Variants in ADAMTSL1 observed in about 807,000 individuals in gnomAD.
The protein encoded by ADAMTSL1 is ADAMTS like 1.
ADAMTSL1 carries 126 observed loss-of-function variants against 201.8 expected under a neutral mutation model. That is an observed-to-expected ratio of 0.62 (90% CI 0.54 to 0.72). The LOEUF is 0.72. Among genes scored for constraint, ADAMTSL1 ranks in the 30% least tolerant of loss-of-function variants. ADAMTSL1 has a pLI of 0.00. For synonymous variants in ADAMTSL1, 1,121 were observed against 903.4 expected (o/e 1.24, Z -4.32); for missense variants, 2,679 against 2,277.8 (o/e 1.18, Z -3.59).
intron 4 of ADAMTSL1, among the ~76,000 whole-genome samples, chr9:18,603,341 ATATGCTATGCTATGCTATGC>A (rs5896789): frequency 0.048 from 5,733 of 118,502 alleles, 175 homozygotes; most frequent in African/African-American, 0.099. Flanking sequence ...CTCCAAAGCT[ATATGCTATGCTATGCTATGC>A]TATGCTATGC....
intron 26 of ADAMTSL1, among the ~76,000 whole-genome samples, chr9:18,899,130 G>C (rs1438930781): frequency 1.3e-5 from 2 of 152,052 alleles, no homozygotes; most frequent in Non-Finnish European, 2.9e-5. Context: ...TGCAAAAATT[G>C]CTGGCATTCC....
intron 1 of ADAMTSL1, among the ~76,000 whole-genome samples, chr9:17,980,728 G>A (rs557544284): frequency 6.6e-6 from 1 of 152,086 alleles, no homozygotes; most frequent in Non-Finnish European, 1.5e-5. Flanking sequence ...TGAGAATACT[G>A]TCTTAGTCTG....
At position 18,657,800 on chromosome 9, in the gene ADAMTSL1, C is replaced by A. The variant is rs192634806; in HGVS notation, c.946+50C>A. The A allele has an allele frequency of 2.7e-5, 39 of 1,455,466 alleles. No individual in the cohort carries two copies. In the African/African-American group the frequency reaches 4.0e-4, roughly 15 times the overall value. The allele number at this position is 1,455,466 out of a possible 1,614,324, so 90.2% of individuals were successfully genotyped here. ...AACTGTTGGCTTCTGTGAGGAAATACTTGGGTATTATAAGAGTAGAGTTAC... is the reference window on the plus strand; with the variant it reads ...AACTGTTGGCTTCTGTGAGGAAATAATTGGGTATTATAAGAGTAGAGTTAC... On this transcript the variant is annotated intron_variant, in intron 8 of 28. Coordinates refer to ENST00000380548, the MANE Select transcript of ADAMTSL1 (RefSeq NM_001040272.6).
At chr9:18,210,090 T>C (rs967144342) in intron 2 of ADAMTSL1, among the ~76,000 whole-genome samples, 1 of 152,080 alleles carries the variant, frequency 6.6e-6, no homozygotes, top group Non-Finnish European at 1.5e-5. Flanking sequence ...ATGCCTTCCT[T>C]TTCTTTCCTT....
chr9:18,842,271 C>A (rs146707637), intron 23 of ADAMTSL1, among the ~76,000 whole-genome samples: 13,896 of 151,972 alleles, frequency 0.091, 823 homozygotes, highest in East Asian at 0.22. Context: ...GAACATCTTT[C>A]TTTCTGCCTT....
At chr9:18,274,161 A>G (rs1832494531) in intron 2 of ADAMTSL1, among the ~76,000 whole-genome samples, 1 of 152,246 alleles carries the variant, frequency 6.6e-6, no homozygotes, top group African/African-American at 2.4e-5. Context: ...CATGCAGTTT[A>G]GTCTGATTAT....
At chr9:18,143,750 C>T (rs995478048) in intron 1 of ADAMTSL1, among the ~76,000 whole-genome samples, 1 of 152,134 alleles carries the variant, frequency 6.6e-6, no homozygotes, top group African/African-American at 2.4e-5. Flanking sequence ...AAGGGCTGAA[C>T]TGGAGCTTAA....
chr9:18,781,730 A>C (rs2133781157), intron 19 of ADAMTSL1, among the ~76,000 whole-genome samples: 1 of 152,262 alleles, frequency 6.6e-6, no homozygotes, highest in African/African-American at 2.4e-5. Flanking sequence ...GCCCAAATCT[A>C]CCTTCTGAGC....
intron 2 of ADAMTSL1, among the ~76,000 whole-genome samples, chr9:18,513,110 T>G (rs1818133379): frequency 6.6e-6 from 1 of 152,208 alleles, no homozygotes; most frequent in Non-Finnish European, 1.5e-5. Flanking sequence ...AATTCCCTCT[T>G]GGTTATTTCC....
At chr9:18,844,434 A>T (rs1588216716) in intron 23 of ADAMTSL1, among the ~76,000 whole-genome samples, 1 of 152,164 alleles carries the variant, frequency 6.6e-6, no homozygotes, top group African/African-American at 2.4e-5. Context: ...GTAAGGTGTC[A>T]GTCTGCCCCT....
intron 16 of ADAMTSL1, 88 bp downstream of exon 16, chr9:18,753,596 G>C (rs1254639874): frequency 7.2e-7 from 1 of 1,391,988 alleles, no homozygotes; most frequent in East Asian, 2.5e-5. Flanking sequence ...TTTTGTCCAG[G>C]GATGTTAAAG....
intron 2 of ADAMTSL1, among the ~76,000 whole-genome samples, chr9:18,336,338 A>G (rs1259510852): frequency 6.6e-6 from 1 of 151,242 alleles, no homozygotes; most frequent in Non-Finnish European, 1.5e-5. Flanking sequence ...ACAGGCAACA[A>G]TTTTTCTACT....
chr9:18,521,077 A>T (rs1051570386), intron 2 of ADAMTSL1, among the ~76,000 whole-genome samples: 1 of 152,166 alleles, frequency 6.6e-6, no homozygotes, highest in Non-Finnish European at 1.5e-5. Flanking sequence ...TCAATGAAGG[A>T]GATTTAACCT....
intron 1 of ADAMTSL1, among the ~76,000 whole-genome samples, chr9:18,010,369 G>A (rs924797268): frequency 2.0e-5 from 3 of 152,016 alleles, no homozygotes; most frequent in African/African-American, 7.2e-5. Flanking sequence ...AATCTGGAGA[G>A]ATTGTTACTA....
At chr9:18,703,701 CATATATATATAT>C (rs72258520) in intron 13 of ADAMTSL1, among the ~76,000 whole-genome samples, 26,863 of 78,940 alleles carry the variant, frequency 0.34, 4,245 homozygotes, top group East Asian at 0.51. Context: ...TGCGCACATA[CATATATATATAT>C]ATATATATAT....
intron 3 of ADAMTSL1, among the ~76,000 whole-genome samples, chr9:18,568,762 G>A (rs1822103170): frequency 6.7e-6 from 1 of 149,420 alleles, no homozygotes; most frequent in South Asian, 2.1e-4. Flanking sequence ...AGTACATGTA[G>A]TCATCTGAAT....
intron 1 of ADAMTSL1, among the ~76,000 whole-genome samples, chr9:18,480,094 T>A (rs909350195): frequency 1.3e-5 from 2 of 152,240 alleles, no homozygotes; most frequent in Non-Finnish European, 2.9e-5. Context: ...TTTCAAAACT[T>A]GTCCTCAGGA....
intron 1 of ADAMTSL1, among the ~76,000 whole-genome samples, chr9:18,047,034 T>C (rs1349910770): frequency 1.3e-5 from 2 of 152,084 alleles, no homozygotes; most frequent in East Asian, 1.9e-4. Context: ...GAAAAATGGC[T>C]TAGAAGATGA....
intron 23 of ADAMTSL1, among the ~76,000 whole-genome samples, chr9:18,857,701 A>C (rs926742626): frequency 2.0e-5 from 3 of 152,206 alleles, no homozygotes; most frequent in African/African-American, 7.2e-5. Flanking sequence ...TTTTGTGAGG[A>C]GGTCCCCTGG....
Sources: allele counts gnomAD v4.1 joint callset (sites outside exome capture counted in the v4.1 genomes callset), GRCh38; gene constraint gnomAD v4.1.1; transcripts MANE v1.5; gene names NCBI Gene and HGNC (gene_info 2026-07-23, HGNC 2026-07-21).